The following C7 variants were observed in gnomAD, a reference collection of about 807,000 sequenced individuals.
C7 encodes complement component C7.
A neutral mutation model predicts 104.8 loss-of-function variants in C7; 83 were observed. The observed-to-expected ratio is 0.79, with a 90% CI of 0.66 to 0.95. The LOEUF is 0.95. Ranked by LOEUF, C7 falls within the 40% of genes least tolerant of loss-of-function variation. The pLI, the probability that C7 is intolerant of heterozygous loss-of-function variation, is 0.00. For missense variants in C7, 1,070 were observed against 1,011.2 expected, an observed-to-expected ratio of 1.06 and a Z score of -0.79; for synonymous variants, 415 against 360.6, an observed-to-expected ratio of 1.15 and a Z score of -1.71.
At chr5:40,946,116 G>T (rs1023516697) in intron 7 of C7, among the ~76,000 whole-genome samples, 2 of 151,718 alleles carry the variant, frequency 1.3e-5, no homozygotes, top group Non-Finnish European at 2.9e-5. Context: ...AAATGCAAAT[G>T]CTAGAGGCTT....
intron 1 of C7, among the ~76,000 whole-genome samples, chr5:40,923,382 C>G (rs1579840295): frequency 6.6e-6 from 1 of 152,128 alleles, no homozygotes; most frequent in East Asian, 1.9e-4. Flanking sequence ...GTGACGCCTT[C>G]AGGGAGATTT....
At chr5:40,914,046 C>T (rs1296955071) in intron 1 of C7, among the ~76,000 whole-genome samples, 2 of 152,092 alleles carry the variant, frequency 1.3e-5, no homozygotes, top group Non-Finnish European at 2.9e-5. Flanking sequence ...CTAGGCTGGT[C>T]TCAAACTTCT....
chr5:40,964,747 G>C lies in C7; in HGVS notation c.1756G>C (p.Gly586Arg). The stretch of plus-strand genomic sequence containing the variant: ...ATCTTTTACTTTTGTTTAGGATGAA[G>C]GTACAATGTTTCCTGTGGGGAAAAA... ...ALKDGFVQDEGTMFPVGKNVV... is the reference protein window; with the variant it reads ...ALKDGFVQDERTMFPVGKNVV... The change falls in exon 14 of 18, where the codon GGT (glycine) becomes CGT (arginine). Residue 586 changes from glycine to arginine, a missense_variant. Coordinates refer to ENST00000313164, the MANE Select transcript of C7 (RefSeq NM_000587.4). 1 of 1,612,754 alleles carries C rather than the reference G, an allele frequency of 6.2e-7. No homozygotes were observed. The highest frequency in any genetic ancestry group is 8.5e-7 in the Non-Finnish European group (1 of 1,179,106).
intron 16 of C7, among the ~76,000 whole-genome samples, chr5:40,979,293 C>T (rs1740886645): frequency 6.6e-6 from 1 of 152,164 alleles, no homozygotes; most frequent in Admixed American, 6.5e-5. Flanking sequence ...GTTTTATGGA[C>T]ATGAACTCTT....
In C7 at chr5:40,972,485, G is replaced by A; in HGVS notation, c.1965G>A (p.Val655=). The A allele has an allele frequency of 6.2e-7, 1 of 1,613,890 alleles. No individual in the cohort carries two copies. The highest frequency in any genetic ancestry group is 8.5e-7 in the Non-Finnish European group (1 of 1,179,798). The change falls in exon 15 of 18, where the codon GTG becomes GTA. Residue 655 remains valine, a synonymous_variant. Coordinates refer to ENST00000313164, the MANE Select transcript of C7 (RefSeq NM_000587.4). ...CTTTCTACACAGTTGGTGAGAAGGT[G>A]ACTGTTTCCTGTTCAGGTGGCATGT... The part of the protein sequence containing the change: ...QKPFYTVGEK[V]TVSCSGGMSL...
intron 5 of C7, among the ~76,000 whole-genome samples, chr5:40,936,913 A>G (rs1456989922): frequency 2.6e-5 from 4 of 152,190 alleles, no homozygotes; most frequent in Non-Finnish European, 5.9e-5. Flanking sequence ...TGTAATATCC[A>G]GGCTGAACAG....
rs142691845 is a variant in C7, at chr5:40,913,840, T to C, written c.6+4224T>C. ...GACTACAGGTGCGTGCCAACATGCC[T>C]GGTTAATTTTTTGTATTTTTAGTAG... On this transcript the variant is annotated intron_variant, in intron 1 of 17. Coordinates refer to ENST00000313164, the MANE Select transcript of C7 (RefSeq NM_000587.4). 1.3e-3 allele frequency among the ~76,000 whole-genome samples: 191 copies of C among 152,116 alleles called. 3 individuals carry two copies. In the East Asian group the frequency reaches 0.03, roughly 24 times the overall value.
Position 40,979,660 on chromosome 5 carries a change from AT to A in C7, c.2166-62del, listed in dbSNP as rs1740896535. On this transcript the variant is annotated intron_variant, in intron 16 of 17. Transcript: ENST00000313164. ...CACTAAGCTCAGAGCATCACTTTTCATTTCTCCTTCTCAGCTTTTACGAACA... is the reference window on the plus strand; with the variant it reads ...CACTAAGCTCAGAGCATCACTTTTCATTCTCCTTCTCAGCTTTTACGAACA... 2.2e-6 allele frequency: 3 copies of A among 1,392,308 alleles called. No individual in the cohort carries two copies. The Admixed American group carries it at 5.9e-5, about 27-fold the overall frequency. 86.2% of individuals were successfully genotyped at this position (1,392,308 alleles called of 1,614,324 possible).
At chr5:40,933,276 G>C (rs1739735077) in intron 3 of C7, among the ~76,000 whole-genome samples, 1 of 152,114 alleles carries the variant, frequency 6.6e-6, no homozygotes. Flanking sequence ...GGATGAATAA[G>C]TTCGACATTG....
Position 40,915,140 on chromosome 5 carries a change from C to T in C7, c.6+5524C>T, listed in dbSNP as rs544702112. On this transcript the variant is annotated intron_variant, in intron 1 of 17. Transcript: ENST00000313164. ...CAGTGGCTACAGAGTAGTAGGAAGA[C>T]GTCCAAAGAACCACAAAAACACTGG... Among the ~76,000 whole-genome samples, 5 of 152,258 alleles carry T rather than the reference C, an allele frequency of 3.3e-5. No individual in the cohort carries two copies. In the South Asian group the frequency reaches 8.3e-4, roughly 25 times the overall value.
At chr5:40,938,481 A>G (rs994274433) in intron 6 of C7, among the ~76,000 whole-genome samples, 1 of 152,092 alleles carries the variant, frequency 6.6e-6, no homozygotes, top group Non-Finnish European at 1.5e-5. Context: ...TGCCTTGAAC[A>G]TTCTTGTGCC....
At chr5:40,970,367 T>C (rs1206530698) in intron 14 of C7, among the ~76,000 whole-genome samples, 1 of 152,240 alleles carries the variant, frequency 6.6e-6, no homozygotes, top group Non-Finnish European at 1.5e-5. Context: ...CTGTTTATAC[T>C]ATGTGTGTTT....
At chr5:40,957,355 C>T (rs1740308399) in intron 10 of C7, among the ~76,000 whole-genome samples, 1 of 152,194 alleles carries the variant, frequency 6.6e-6, no homozygotes, top group Non-Finnish European at 1.5e-5. Flanking sequence ...CCATGATTTC[C>T]ACTAAGAGAT....
intron 14 of C7, among the ~76,000 whole-genome samples, chr5:40,970,629 T>G (rs1740678288): frequency 6.6e-6 from 1 of 152,180 alleles, no homozygotes; most frequent in South Asian, 2.1e-4. Context: ...CTGGGATACA[T>G]GTGTTGAATG....
At position 40,919,893 on chromosome 5, in the gene C7, G is replaced by T. The variant is rs554494231; in HGVS notation, c.7-8687G>T. Among the ~76,000 whole-genome samples, 48 of 151,784 alleles carry T rather than the reference G, an allele frequency of 3.2e-4. 1 individual carries two copies. In the South Asian group the frequency reaches 1.0e-2, roughly 32 times the overall value. ...AAATGTCTACATCAAAGAGAAGAAA[G>T]ATTTAAAATAAATAAGCTAATGTCA... On this transcript the variant is annotated intron_variant, in intron 1 of 17. Transcript: ENST00000313164.
intron 13 of C7, among the ~76,000 whole-genome samples, chr5:40,963,304 G>A (rs751480423): frequency 2.0e-5 from 3 of 152,192 alleles, no homozygotes; most frequent in Admixed American, 6.5e-5. Context: ...TACAGCCTAA[G>A]AGTCTATTTT....
At chr5:40,950,095 T>TA in intron 9 of C7, 81 bp downstream of exon 9, 5 of 778,230 alleles carry the variant, frequency 6.4e-6, no homozygotes, top group Non-Finnish European at 2.1e-6. Flanking sequence ...CGCGTGAAGT[T>TA]ATGTAGGTAA....
intron 5 of C7, 193 bp from the exon 6 acceptor site, chr5:40,937,359 G>A (rs1739837201): frequency 5.3e-6 from 2 of 378,666 alleles, no homozygotes; most frequent in Non-Finnish European, 9.3e-6. Context: ...ATACCAAGCA[G>A]GGGAAGCTGG....
At chr5:40,972,656 C>T (rs1740726349) in intron 15 of C7, 62 bp downstream of exon 15, 10 of 1,362,430 alleles carry the variant, frequency 7.3e-6, no homozygotes, top group East Asian at 2.3e-5. Flanking sequence ...GTCCTTGTGG[C>T]GACCTTCATG....
Sources: allele counts gnomAD v4.1 joint callset (sites outside exome capture counted in the v4.1 genomes callset), GRCh38; gene constraint gnomAD v4.1.1; transcripts MANE v1.5; gene names NCBI Gene and HGNC (gene_info 2026-07-23, HGNC 2026-07-21).